KYNU: variants seen among roughly 807,000 people sequenced by gnomAD.
KYNU encodes the protein L-kynurenine hydrolase.
In KYNU, 54 loss-of-function variants were observed where a neutral mutation model predicts 59.2. That is an observed-to-expected ratio of 0.91 (90% CI 0.73 to 1.14). The LOEUF (loss-of-function observed/expected upper bound fraction) is 1.14. KYNU is among the 50% of genes most tolerant of loss of function. The pLI is 0.00. For missense variants in KYNU, 567 were observed against 554.4 expected, an observed-to-expected ratio of 1.02 and a Z score of -0.23; for synonymous variants, 177 against 192.0, an observed-to-expected ratio of 0.92 and a Z score of 0.65.
At chr2:143,041,172 C>T (rs1215595488) in intron 13 of KYNU, among the ~76,000 whole-genome samples, 3 of 151,996 alleles carry the variant, frequency 2.0e-5, no homozygotes, top group African/African-American at 7.2e-5. Context: ...TTTAACCCTT[C>T]AGCCTATATG....
chr2:142,995,791 C>CTAT (rs1383424362), intron 10 of KYNU, among the ~76,000 whole-genome samples: 1 of 152,040 alleles, frequency 6.6e-6, no homozygotes, highest in East Asian at 1.9e-4. Flanking sequence ...TTTTTCCTAC[C>CTAT]GCTATGCTGA....
intron 3 of KYNU, among the ~76,000 whole-genome samples, chr2:142,924,240 G>T (rs1010734123): frequency 1.3e-5 from 2 of 151,934 alleles, no homozygotes; most frequent in African/African-American, 2.4e-5. Context: ...GAGTAGCTAC[G>T]ACTATAGGTA....
At chr2:142,964,273 G>A (rs996998587) in intron 8 of KYNU, among the ~76,000 whole-genome samples, 3 of 151,696 alleles carry the variant, frequency 2.0e-5, no homozygotes, top group Admixed American at 2.0e-4. Flanking sequence ...TAAATTTTGG[G>A]GGGTATACAT....
At chr2:142,946,445 T>C (rs1005190625) in intron 4 of KYNU, among the ~76,000 whole-genome samples, 1 of 152,192 alleles carries the variant, frequency 6.6e-6, no homozygotes, top group Non-Finnish European at 1.5e-5. Flanking sequence ...AGAATGGATA[T>C]TGTGTTAGCA....
chr2:142,932,213 G>A (rs1321646481), intron 4 of KYNU, among the ~76,000 whole-genome samples: 2 of 152,166 alleles, frequency 1.3e-5, no homozygotes, highest in African/African-American at 2.4e-5. Flanking sequence ...GTTTGTAACC[G>A]ACATGGAAAG....
At chr2:142,903,948 C>T (rs945117685) in intron 2 of KYNU, among the ~76,000 whole-genome samples, 2 of 152,236 alleles carry the variant, frequency 1.3e-5, no homozygotes, top group African/African-American at 2.4e-5. Flanking sequence ...AGGGCCATGA[C>T]TAAAGTGGTG....
chr2:142,891,931 T>A (rs1425271358), intron 2 of KYNU, among the ~76,000 whole-genome samples: 2 of 148,462 alleles, frequency 1.3e-5, no homozygotes, highest in South Asian at 2.2e-4. Context: ...TTTTTTTTTT[T>A]AGATGGGGTC....
chr2:142,891,567 T>C (rs1681715261), intron 2 of KYNU, among the ~76,000 whole-genome samples: 1 of 152,216 alleles, frequency 6.6e-6, no homozygotes, highest in South Asian at 2.1e-4. Flanking sequence ...CACATGTAAT[T>C]GTTTGGACTC....
chr2:142,932,212 C>T lies in KYNU; in HGVS notation c.373+4471C>T, dbSNP rs556088380. On this transcript the variant is annotated intron_variant, in intron 4 of 13. Coordinates refer to ENST00000264170, the MANE Select transcript of KYNU (RefSeq NM_003937.3). ...AAAAGTTGCAAGAGAGGTTTGTAACCGACATGGAAAGAGTTGTGGAGTCTT... is the reference window on the plus strand; with the variant it reads ...AAAAGTTGCAAGAGAGGTTTGTAACTGACATGGAAAGAGTTGTGGAGTCTT... Among the ~76,000 whole-genome samples the T allele has an allele frequency of 6.6e-5, 10 of 152,176 alleles. No individual in the cohort carries two copies. In the East Asian group the frequency reaches 1.5e-3, roughly 24 times the overall value.
chr2:142,884,246 G>A (rs1220778236), intron 1 of KYNU, among the ~76,000 whole-genome samples: 1 of 152,204 alleles, frequency 6.6e-6, no homozygotes, highest in Non-Finnish European at 1.5e-5. Context: ...ATTACTAACA[G>A]CAGCAGGTGG....
At chr2:143,041,966 T>G (rs1687069432) in intron 13 of KYNU, 81 bp from the exon 14 acceptor site, 2 of 1,429,748 alleles carry the variant, frequency 1.4e-6, no homozygotes, top group South Asian at 1.2e-5. Flanking sequence ...ATGAAAGTGC[T>G]TTACATAAGT....
chr2:142,903,264 G>A (rs1470203688), intron 2 of KYNU, among the ~76,000 whole-genome samples: 2 of 152,026 alleles, frequency 1.3e-5, no homozygotes, highest in African/African-American at 2.4e-5. Flanking sequence ...AGTTTAACTA[G>A]AACACGACGG....
At chr2:143,023,704 A>T (rs1686471680) in intron 10 of KYNU, among the ~76,000 whole-genome samples, 1 of 151,910 alleles carries the variant, frequency 6.6e-6, no homozygotes, top group East Asian at 1.9e-4. Context: ...AAAGCTGCTA[A>T]ATCTATAATT....
Position 142,981,976 on chromosome 2 carries a change from G to A in KYNU, c.730-3108G>A, listed in dbSNP as rs117347655. ...AATATTTAAACAAATGAGACTGGCC[G>A]TGATCCAAAATTAAATTTACAGAAA... is the stretch of plus-strand genomic sequence containing the variant. On this transcript the variant is annotated intron_variant, in intron 8 of 13. Coordinates refer to ENST00000264170, the MANE Select transcript of KYNU (RefSeq NM_003937.3). Among the ~76,000 whole-genome samples, 68 of 152,194 alleles carry A rather than the reference G, an allele frequency of 4.5e-4. 1 individual carries two copies. In the South Asian group the frequency reaches 8.3e-3, roughly 19 times the overall value.
At chr2:143,006,995 A>G (rs1685928091) in intron 10 of KYNU, among the ~76,000 whole-genome samples, 1 of 152,182 alleles carries the variant, frequency 6.6e-6, no homozygotes, top group African/African-American at 2.4e-5. Flanking sequence ...TAAAACGCAG[A>G]GCGTCTCTCC....
At position 142,918,629 on chromosome 2, in the gene KYNU, A is replaced by G. The variant is rs1322808333; in HGVS notation, c.190A>G (p.Lys64Glu). ...TTCAGTTGATTTATCATTAGTGAAT[A>G]AAGATGAAAATGCCATCTATTTCTT... Reference protein sequence around the residue: ...LPPVDLSLVNKDENAIYFLGN... With the variant: ...LPPVDLSLVNEDENAIYFLGN... The change falls in exon 3 of 14, where the codon AAA (lysine) becomes GAA (glutamate). Residue 64 changes from lysine to glutamate, a missense_variant. Transcript: ENST00000264170. 3.1e-6 allele frequency: 5 copies of G among 1,603,476 alleles called. No individual in the cohort carries two copies. In the East Asian group the frequency reaches 9.0e-5, roughly 29 times the overall value.
At chr2:142,918,867 C>A in intron 3 of KYNU, 138 bp downstream of exon 3, 1 of 936,132 alleles carries the variant, frequency 1.1e-6, no homozygotes, top group Non-Finnish European at 1.6e-6. Context: ...AGGATTAGTT[C>A]CAGGGCCTCC....
chr2:142,902,739 C>A (rs1682147040), intron 2 of KYNU, among the ~76,000 whole-genome samples: 1 of 152,176 alleles, frequency 6.6e-6, no homozygotes, highest in African/African-American at 2.4e-5. Context: ...TTTCAACAGG[C>A]AGCTAGAAGT....
intron 10 of KYNU, among the ~76,000 whole-genome samples, chr2:142,988,311 A>T (rs1685283899): frequency 6.6e-6 from 1 of 151,944 alleles, no homozygotes; most frequent in Non-Finnish European, 1.5e-5. Flanking sequence ...CCCAGTGGAG[A>T]TCATTTCTCT....
Sources: allele counts gnomAD v4.1 joint callset (sites outside exome capture counted in the v4.1 genomes callset), GRCh38; gene constraint gnomAD v4.1.1; transcripts MANE v1.5; gene names NCBI Gene and HGNC (gene_info 2026-07-23, HGNC 2026-07-21).